Variants in DST observed in about 807,000 individuals in gnomAD.
DST encodes the protein dystonin.
In DST, 253 loss-of-function variants were observed where a neutral mutation model predicts 875.2. The observed-to-expected ratio is 0.29, with a 90% CI of 0.26 to 0.32. The LOEUF (loss-of-function observed/expected upper bound fraction) is 0.32. DST is among the 10% of genes least tolerant of loss of function. DST has a pLI of 1.00. For synonymous variants in DST, 3,124 were observed against 3,197.1 expected (o/e 0.98, Z 0.77); for missense variants, 8,287 against 9,111.6 (o/e 0.91, Z 3.68).
chr6:56,694,052 T>TAC (rs1032925093), intron 9 of DST, among the ~76,000 whole-genome samples: 2 of 149,310 alleles, frequency 1.3e-5, no homozygotes, highest in African/African-American at 4.9e-5. Context: ...TATATATATA[T>TAC]ACATATATAT....
chr6:56,545,135 C>T (rs1231168576), intron 61 of DST, among the ~76,000 whole-genome samples: 1 of 151,860 alleles, frequency 6.6e-6, no homozygotes, highest in African/African-American at 2.4e-5. Flanking sequence ...GTCTCAGCCT[C>T]CCAAGTACAG....
Position 56,630,370 on chromosome 6 carries a change from T to A in DST, c.4156A>T (p.Asn1386Tyr). 6.2e-7 allele frequency: 1 copy of A among 1,612,696 alleles called. No individual in the cohort carries two copies. The highest frequency in any genetic ancestry group is 8.5e-7 in the Non-Finnish European group (1 of 1,179,856). The change falls in exon 31 of 104, where the codon AAC (asparagine) becomes TAC (tyrosine). Residue 1386 changes from asparagine (N) to tyrosine (Y), a missense_variant. By Grantham distance (143) the Asn-to-Tyr change is moderately radical. Around this residue, in one of 10 missense-constraint regions of DST, gnomAD observed 3,138 missense variants for 3,116.6 expected, o/e 1.01. Coordinates refer to ENST00000680361, the MANE Select transcript of DST (RefSeq NM_001374736.1). ...STYIDKLKTV[N>Y]LVLKNTQAAE... ...GCTTGAGTGTTTTTTAACACCAAGT[T>A]AACAGTTTTCAACCTTAAAAAGGAA...
Position 56,525,206 on chromosome 6 carries a change from A to G in DST, c.18129+1155T>C, listed in dbSNP as rs573789645. Reference sequence around the variant, plus strand: ...GCTGTTTAGAGAAGCCTTCAGTGCCAGTTGGGAAACGTTCAAATACATTTC... The same window carrying G: ...GCTGTTTAGAGAAGCCTTCAGTGCCGGTTGGGAAACGTTCAAATACATTTC... On this transcript the variant is annotated intron_variant, in intron 69 of 103. Coordinates refer to ENST00000680361, the MANE Select transcript of DST (RefSeq NM_001374736.1). Among the ~76,000 whole-genome samples, 3 of 152,316 alleles carry G rather than the reference A, an allele frequency of 2.0e-5. No individual in the cohort carries two copies. The East Asian group carries it at 5.8e-4, about 29-fold the overall frequency.
At chr6:56,851,999 T>C (rs1765534491) in intron 3 of DST, 3 of 1,441,914 alleles carry the variant, frequency 2.1e-6, no homozygotes, top group African/African-American at 2.9e-5. Context: ...TTTCCATTAC[T>C]AGCCTGCTGC....
intron 3 of DST, among the ~76,000 whole-genome samples, chr6:56,885,528 T>G (rs1212835350): frequency 6.6e-6 from 1 of 152,178 alleles, no homozygotes; most frequent in Non-Finnish European, 1.5e-5. Flanking sequence ...CCAAAATTCA[T>G]GTGTTGAAAT....
At chr6:56,915,826 C>G (rs139625473) in intron 2 of DST, among the ~76,000 whole-genome samples, 2 of 152,178 alleles carry the variant, frequency 1.3e-5, no homozygotes, top group Admixed American at 1.3e-4. Context: ...TAATACTTTA[C>G]GCAAGGGAAG....
At chr6:56,528,998 A>G (rs2096850254) in intron 66 of DST, 73 bp from the exon 67 acceptor site, 1 of 947,548 alleles carries the variant, frequency 1.1e-6, no homozygotes. Flanking sequence ...TTAATCTCAG[A>G]GAACTTTAAT....
rs143140066 is a variant in DST at position 56,562,566 on chromosome 6, T to G, written c.14006-366A>C. On this transcript the variant is annotated intron_variant, in intron 55 of 103. Coordinates refer to ENST00000680361, the MANE Select transcript of DST (RefSeq NM_001374736.1). ...TTTAGAGCAGTAAGTGGAGCTTTAG[T>G]TTTTTTTTAATTTGTATTTATTTTT... Among the ~76,000 whole-genome samples the G allele has an allele frequency of 9.8e-3, 1,481 of 150,984 alleles. 26 individuals are homozygous for G. The highest frequency in any genetic ancestry group is 0.034 in the African/African-American group (1,409 of 41,266).
chr6:56,918,219 C>T lies in DST; in HGVS notation c.217-17598G>A, dbSNP rs142058469. ...TTGGCTCACTGCAACCTCCACCTCC[C>T]GGGTTCAAGTGATTCTCCTGCCTCA... On this transcript the variant is annotated intron_variant, in intron 2 of 103. Transcript: ENST00000680361. Among the ~76,000 whole-genome samples the T allele has an allele frequency of 6.5e-3, 988 of 151,880 alleles. 11 individuals are homozygous for T. The highest frequency in any genetic ancestry group is 0.023 in the African/African-American group (951 of 41,400).
intron 4 of DST, among the ~76,000 whole-genome samples, chr6:56,788,110 C>T (rs1318333475): frequency 1.0e-5 from 1 of 95,408 alleles, no homozygotes; most frequent in Non-Finnish European, 1.9e-5. Context: ...GCCTGAGTGA[C>T]AGAGCAAGAC....
chr6:56,497,272 A>C, intron 82 of DST, 107 bp downstream of exon 82: 1 of 1,319,754 alleles, frequency 7.6e-7, no homozygotes, highest in Non-Finnish European at 1.0e-6. Flanking sequence ...TTCTGCCATA[A>C]ACTATATCTT....
At position 56,632,012 on chromosome 6, in the gene DST, G is replaced by A. The variant is rs779009310; in HGVS notation, c.3834C>T (p.Leu1278=). 3 of 1,613,368 alleles carry A rather than the reference G, an allele frequency of 1.9e-6. No homozygotes were observed. Among genetic ancestry groups the A allele is most frequent in the Admixed American group, 1.7e-5 (1 of 60,018 alleles). Residue 1278 remains leucine, a synonymous_variant, in exon 29 of 104, where the codon CTC becomes CTT. Coordinates refer to ENST00000680361, the MANE Select transcript of DST (RefSeq NM_001374736.1). The stretch of plus-strand genomic sequence containing the variant: ...TAATGTTTCGAACTTCAGAGATGTA[G>A]AGATTATAAACTGATTCCTCTTGCT... The part of the protein sequence containing the change: ...REEQEESVYN[L]YISEVRNIRL...
chr6:56,605,625 C>T lies in DST; in HGVS notation c.9003G>A (p.Glu3001=). 6.2e-7 allele frequency: 1 copy of T among 1,612,942 alleles called. No individual in the cohort carries two copies. The highest frequency in any genetic ancestry group is 1.1e-5 in the South Asian group (1 of 91,064). The change falls in exon 40 of 104, where the codon GAG becomes GAA. Residue 3001 remains glutamate, a synonymous_variant. Transcript: ENST00000680361. ...CAGCAGGTTTTCCTATTAAATCAGGCTCAGTACAAATGATGTGATCAAGAG... is the reference window on the plus strand; with the variant it reads ...CAGCAGGTTTTCCTATTAAATCAGGTTCAGTACAAATGATGTGATCAAGAG... ...DSSLDHIICT[E]PDLIGKPAEE...
In DST at chr6:56,513,641, G is replaced by C. The variant is rs2096528400; in HGVS notation, c.18576+1809C>G. ...GGCCTCCCAAAGTGCTGGGATTACA[G>C]GCATGAGCCACTGTGCCTGGCCGAG... On this transcript the variant is annotated intron_variant, in intron 72 of 103. Coordinates refer to ENST00000680361, the MANE Select transcript of DST (RefSeq NM_001374736.1). 2.6e-5 allele frequency among the ~76,000 whole-genome samples: 4 copies of C among 152,178 alleles called. 1 individual carries two copies. The South Asian group carries it at 8.3e-4, about 32-fold the overall frequency.
chr6:56,693,355 T>C (rs2099244868), intron 9 of DST: 1 of 1,160,150 alleles, frequency 8.6e-7, no homozygotes, highest in Non-Finnish European at 1.1e-6. Context: ...CCGGTCCGTG[T>C]CTCATTAGAC....
intron 4 of DST, among the ~76,000 whole-genome samples, chr6:56,778,165 GTA>G (rs2099683262): frequency 6.6e-6 from 1 of 152,010 alleles, no homozygotes; most frequent in South Asian, 2.1e-4. Flanking sequence ...TAAGTCAGTA[GTA>G]TAAATGAAAT....
chr6:56,503,848 T>A (rs2096227833), intron 78 of DST, 149 bp downstream of exon 78: 2 of 505,118 alleles, frequency 4.0e-6, no homozygotes, highest in Non-Finnish European at 6.9e-6. Context: ...ATATATTGCT[T>A]AGCATGTGAA....
At chr6:56,568,031 A>G (rs2097711866) in intron 55 of DST, among the ~76,000 whole-genome samples, 1 of 152,198 alleles carries the variant, frequency 6.6e-6, no homozygotes, top group Non-Finnish European at 1.5e-5. Flanking sequence ...GAATAAAATA[A>G]CAGAGTGCCC....
intron 2 of DST, among the ~76,000 whole-genome samples, chr6:56,947,250 C>CT (rs34159658): frequency 0.74 from 99,679 of 135,356 alleles, 37,029 homozygotes; most frequent in South Asian, 0.89. Flanking sequence ...GCTACTCTCT[C>CT]TTTTTTTTTT....
Sources: gnomAD v4.1 joint callset for allele counts (sites outside exome capture counted in the v4.1 genomes callset) on GRCh38, gnomAD v4.1.1 for gene constraint, gnomAD v4.1.1 regional missense constraint, MANE v1.5 for transcripts, NCBI Gene and HGNC (gene_info 2026-07-23, HGNC 2026-07-21) for gene names.